LRATD2: variants seen among roughly 807,000 people sequenced by gnomAD.
LRATD2 encodes the protein LRAT domain containing 2.
A neutral mutation model predicts 12.0 loss-of-function variants in LRATD2; 10 were observed. That is an observed-to-expected ratio of 0.83 (90% confidence interval 0.51 to 1.41). The LOEUF (loss-of-function observed/expected upper bound fraction) is 1.41, where lower values mean the gene tolerates loss of function less well. Among genes scored for constraint, LRATD2 ranks in the 40% most tolerant of loss-of-function variants. LRATD2 has a pLI of 0.00. For missense variants in LRATD2, 455 were observed against 446.1 expected, an observed-to-expected ratio of 1.02 and a Z score of -0.18; for synonymous variants, 220 against 205.8, an observed-to-expected ratio of 1.07 and a Z score of -0.59.
In LRATD2 at chr8:126,554,906, A is replaced by G. The variant is rs1165764909; in HGVS notation, c.*1551T>C. ...TGAGACAGCAATGGCAATAGGCAGC[A>G]GAGAAGCTATGCTGCAACTGAGGGC... On this transcript the variant is annotated 3_prime_UTR_variant, in exon 2 of 2. Coordinates refer to ENST00000304916, the MANE Select transcript of LRATD2 (RefSeq NM_174911.5). The G allele has an allele frequency of 6.6e-6, 1 of 152,152 alleles. No homozygotes were observed. Among genetic ancestry groups the G allele is most frequent in the Admixed American group, 6.5e-5 (1 of 15,272 alleles). The allele number at this position is 152,152 out of a possible 1,614,324, so 9.4% of individuals were successfully genotyped here. A position where few individuals can be genotyped will look rare whatever the true frequency, so the allele number is the denominator to read the frequency against.
chr8:126,554,949 T>A lies in LRATD2; in HGVS notation c.*1508A>T, dbSNP rs370661467. On this transcript the variant is annotated 3_prime_UTR_variant, in exon 2 of 2. Coordinates refer to ENST00000304916, the MANE Select transcript of LRATD2 (RefSeq NM_174911.5). Reference sequence around the variant, plus strand: ...CTGAGGGCACATATCATTGAAGATGTCACAGGAGTTTAAGAGACAGGCTGG... The same window carrying A: ...CTGAGGGCACATATCATTGAAGATGACACAGGAGTTTAAGAGACAGGCTGG... 9 of 152,094 alleles carry A rather than the reference T, an allele frequency of 5.9e-5. No individual in the cohort carries two copies. The highest frequency in any genetic ancestry group is 1.9e-4 in the African/African-American group (8 of 41,484). 9.4% of individuals were successfully genotyped at this position (152,094 alleles called of 1,614,324 possible). A position where few individuals can be genotyped will look rare whatever the true frequency, so the allele number is the denominator to read the frequency against.
At position 126,556,944 on chromosome 8, in the gene LRATD2, T is replaced by G; in HGVS notation, c.446A>C (p.Glu149Ala). ...GTCAGTCAGGAAGCTGTTAATCACC[T>G]CCAGCCGGTGCAGGTGCACCACCTG... ...NFQVVHLHRLEVINSFLTDAS... is the reference protein window; with the variant it reads ...NFQVVHLHRLAVINSFLTDAS... Residue 149 changes from glutamate (E) to alanine (A), a missense_variant, in exon 2 of 2, where the codon GAG becomes GCG. Transcript: ENST00000304916. The surrounding 1 kb of genome is among the most constrained non-coding windows in gnomAD (Gnocchi z 5.6). The G allele has an allele frequency of 6.2e-7, 1 of 1,610,130 alleles. No individual in the cohort carries two copies. The highest frequency in any genetic ancestry group is 8.5e-7 in the Non-Finnish European group (1 of 1,179,966).
chr8:126,557,647 G>T lies in LRATD2; in HGVS notation c.-96-162C>A. On this transcript the variant is annotated intron_variant, in intron 1 of 1. Transcript: ENST00000304916. This position sits in a 1 kb window ranked among gnomAD's most constrained non-coding sequence, Gnocchi z 5.3. Reference sequence around the variant, plus strand: ...TCGTTTCTCCACCTGTAAGGTCACGGTCACAGGAGACTGGGCAACTCCTGT... The same window carrying T: ...TCGTTTCTCCACCTGTAAGGTCACGTTCACAGGAGACTGGGCAACTCCTGT... The T allele has an allele frequency of 1.9e-6, 1 of 534,012 alleles. No homozygotes were observed. Among genetic ancestry groups the T allele is most frequent in the South Asian group, 2.3e-5 (1 of 42,988 alleles). 33.1% of individuals were successfully genotyped at this position (534,012 alleles called of 1,614,324 possible).
Position 126,557,154 on chromosome 8 carries a change from T to C in LRATD2, c.236A>G (p.His79Arg), listed in dbSNP as rs1817428737. 3 of 1,612,182 alleles carry C rather than the reference T, an allele frequency of 1.9e-6. No individual in the cohort carries two copies. Among genetic ancestry groups the C allele is most frequent in the Non-Finnish European group, 8.5e-7 (1 of 1,179,690 alleles). Residue 79 changes from histidine (H) to arginine (R), a missense_variant, in exon 2 of 2, where the codon CAC (histidine) becomes CGC (arginine). By Grantham distance (29) the His-to-Arg change is conservative. Coordinates refer to ENST00000304916, the MANE Select transcript of LRATD2 (RefSeq NM_174911.5). This position sits in a 1 kb window ranked among gnomAD's most constrained non-coding sequence, Gnocchi z 5.3. ...GTAGAACACGGAGCATTCCACCTCGTGCAGCCGCGGATCGTAGGGCTGCGG... is the reference window on the plus strand; with the variant it reads ...GTAGAACACGGAGCATTCCACCTCGCGCAGCCGCGGATCGTAGGGCTGCGG... The part of the protein sequence containing the change: ...PQPQPYDPRL[H>R]EVECSVFYRD...
Position 126,557,515 on chromosome 8 carries a change from G to T in LRATD2, c.-96-30C>A. On this transcript the variant is annotated intron_variant, in intron 1 of 1. Transcript: ENST00000304916. The surrounding 1 kb of genome is among the most constrained non-coding windows in gnomAD (Gnocchi z 5.3). ...TGGGAGAGGAAGGCAAGAAAGCCATGCAGGAGCCCCTCCGTGAAAAGGGCG... is the reference window on the plus strand; with the variant it reads ...TGGGAGAGGAAGGCAAGAAAGCCATTCAGGAGCCCCTCCGTGAAAAGGGCG... 2 of 1,046,172 alleles carry T rather than the reference G, an allele frequency of 1.9e-6. No homozygotes were observed. The highest frequency in any genetic ancestry group is 1.6e-5 in the South Asian group (1 of 63,868). The allele number at this position is 1,046,172 out of a possible 1,614,324, so 64.8% of individuals were successfully genotyped here.
rs1399258438 is a variant in LRATD2 at position 126,553,850 on chromosome 8, GAAGA to G, written c.*2603_*2606del. On this transcript the variant is annotated 3_prime_UTR_variant, in exon 2 of 2. Transcript: ENST00000304916. ...CCTGTTATTGAAAACCTCTTCTCTA[GAAGA>G]GAGAGTCACTGCTCTCTCTTAACAC... The G allele has an allele frequency of 1.3e-5, 2 of 152,182 alleles. No homozygotes were observed. Among genetic ancestry groups the G allele is most frequent in the Non-Finnish European group, 2.9e-5 (2 of 68,048 alleles). The allele number at this position is 152,182 out of a possible 1,614,324, so 9.4% of individuals were successfully genotyped here.
Position 126,555,161 on chromosome 8 carries a change from C to G in LRATD2, c.*1296G>C, listed in dbSNP as rs1388753482. On this transcript the variant is annotated 3_prime_UTR_variant, in exon 2 of 2. Coordinates refer to ENST00000304916, the MANE Select transcript of LRATD2 (RefSeq NM_174911.5). ...CGCCCCTCTTATTTAACAAAGGGCTCTGAAGGAGGTGTTCTCCAAGCAACA... is the reference window on the plus strand; with the variant it reads ...CGCCCCTCTTATTTAACAAAGGGCTGTGAAGGAGGTGTTCTCCAAGCAACA... The G allele has an allele frequency of 6.6e-6, 1 of 152,158 alleles. No homozygotes were observed. Among genetic ancestry groups the G allele is most frequent in the Non-Finnish European group, 1.5e-5 (1 of 68,028 alleles). 9.4% of individuals were successfully genotyped at this position (152,158 alleles called of 1,614,324 possible).
Position 126,556,459 on chromosome 8 carries a change from A to G in LRATD2, c.931T>C (p.Ter311ArgextTer4), listed in dbSNP as rs778008176. ...EEEDGEAVAH[*>R] ...CAGCTCTGCGCTCAGCTCGCCCATCAGTGTGCCACTGCCTCTCCGTCCTCC... is the reference window on the plus strand; with the variant it reads ...CAGCTCTGCGCTCAGCTCGCCCATCGGTGTGCCACTGCCTCTCCGTCCTCC... Residue 311 changes from the stop codon to arginine, a stop_lost, in exon 2 of 2, where the codon TGA (stop) becomes CGA (arginine). Transcript: ENST00000304916. This position sits in a 1 kb window ranked among gnomAD's most constrained non-coding sequence, Gnocchi z 5.6. 1.9e-6 allele frequency: 3 copies of G among 1,565,700 alleles called. No homozygotes were observed. The highest frequency in any genetic ancestry group is 1.4e-5 in the African/African-American group (1 of 72,722).
rs1817314877 is a variant in LRATD2, at chr8:126,553,143, T to C, written c.*3314A>G. 6.6e-6 allele frequency: 1 copy of C among 152,276 alleles called. No individual in the cohort carries two copies. 9.4% of individuals were successfully genotyped at this position (152,276 alleles called of 1,614,324 possible). On this transcript the variant is annotated 3_prime_UTR_variant, in exon 2 of 2. Coordinates refer to ENST00000304916, the MANE Select transcript of LRATD2 (RefSeq NM_174911.5). ...AGACATGAGAAGTTTAACCATCGAC[T>C]TGTCATTTTTCATAAAAACTAAACA...
In LRATD2 at chr8:126,557,096, C is replaced by T. The variant is rs769039783; in HGVS notation, c.294G>A (p.Ala98=). Residue 98 remains alanine (A), a synonymous_variant, in exon 2 of 2, where the codon GCG becomes GCA. Transcript: ENST00000304916. This position sits in a 1 kb window ranked among gnomAD's most constrained non-coding sequence, Gnocchi z 5.3. Reference sequence around the variant, plus strand: ...AGGTACTCAGCGCCGCCGAGCCCGGCGCGAAGCTCTTCTGGTAGATGCATT... The same window carrying T: ...AGGTACTCAGCGCCGCCGAGCCCGGTGCGAAGCTCTTCTGGTAGATGCATT... The part of the protein sequence containing the change: ...RDECIYQKSF[A]PGSAALSTYT... The T allele has an allele frequency of 5.6e-6, 9 of 1,611,718 alleles. No individual in the cohort carries two copies. The East Asian group carries it at 1.8e-4, about 32-fold the overall frequency.
In LRATD2 at chr8:126,556,720, C is replaced by G. The variant is rs765880427; in HGVS notation, c.670G>C (p.Gly224Arg). ...ATCTGCAGCCGGTAGGGCTGCTTGC[C>G]GATGCGCAGCTCGCCGCCGATCTTG... The part of the protein sequence containing the change: ...EFKIGGELRI[G>R]KQPYRLQIQL... The change falls in exon 2 of 2, where the codon GGC (glycine) becomes CGC (arginine). Residue 224 changes from glycine (G) to arginine (R), a missense_variant. By Grantham distance (125) the Gly-to-Arg change is moderately radical (BLOSUM62 -2). Coordinates refer to ENST00000304916, the MANE Select transcript of LRATD2 (RefSeq NM_174911.5). The surrounding 1 kb of genome is among the most constrained non-coding windows in gnomAD (Gnocchi z 5.6). 1.9e-6 allele frequency: 3 copies of G among 1,606,126 alleles called. No individual in the cohort carries two copies. The highest frequency in any genetic ancestry group is 2.2e-5 in the East Asian group (1 of 44,604).
rs2130493065 is a variant in LRATD2 at position 126,557,750 on chromosome 8, C to A, written c.-96-265G>T. 1.2e-5 allele frequency: 3 copies of A among 240,698 alleles called. No individual in the cohort carries two copies. Among genetic ancestry groups the A allele is most frequent in the South Asian group, 1.7e-4 (2 of 11,488 alleles). The allele number at this position is 240,698 out of a possible 1,614,324, so 14.9% of individuals were successfully genotyped here. ...CAGCTTCTACTGCTTCCGCCTGCGC[C>A]CTACCTGCCAAGCTTGGGCAGGAAG... On this transcript the variant is annotated intron_variant, in intron 1 of 1. Coordinates refer to ENST00000304916, the MANE Select transcript of LRATD2 (RefSeq NM_174911.5). This position sits in a 1 kb window ranked among gnomAD's most constrained non-coding sequence, Gnocchi z 5.3.
chr8:126,556,794 C>A lies in LRATD2; in HGVS notation c.596G>T (p.Arg199Leu). Residue 199 changes from arginine (R) to leucine (L), a missense_variant, in exon 2 of 2, where the codon CGC becomes CTC. Arg to Leu is a moderately radical substitution (Grantham distance 102). Coordinates refer to ENST00000304916, the MANE Select transcript of LRATD2 (RefSeq NM_174911.5). The surrounding 1 kb of genome is among the most constrained non-coding windows in gnomAD (Gnocchi z 5.6). ...VGAKERELSW[R>L]NSESFAAWCR... Reference sequence around the variant, plus strand: ...CCAGGCGGCGAAACTCTCCGAGTTGCGCCAGCTCAGCTCGCGCTCCTTGGC... The same window carrying A: ...CCAGGCGGCGAAACTCTCCGAGTTGAGCCAGCTCAGCTCGCGCTCCTTGGC... 1.3e-6 allele frequency: 2 copies of A among 1,598,402 alleles called. No homozygotes were observed. Among genetic ancestry groups the A allele is most frequent in the Non-Finnish European group, 1.7e-6 (2 of 1,175,296 alleles).
In LRATD2 at chr8:126,555,534, T is replaced by C. The variant is rs1194460150; in HGVS notation, c.*923A>G. 1 of 152,646 alleles carries C rather than the reference T, an allele frequency of 6.6e-6. No homozygotes were observed. Among genetic ancestry groups the C allele is most frequent in the African/African-American group, 2.4e-5 (1 of 41,458 alleles). 9.5% of individuals were successfully genotyped at this position (152,646 alleles called of 1,614,324 possible). A position where few individuals can be genotyped will look rare whatever the true frequency, so the allele number is the denominator to read the frequency against. On this transcript the variant is annotated 3_prime_UTR_variant, in exon 2 of 2. Transcript: ENST00000304916. ...CCCTATCTGTGACCTGCCCTGCGGA[T>C]AAACACAGCCAAGCAGGTTTAATTA...
rs1817349428 is a variant in LRATD2, at chr8:126,554,731, G to C, written c.*1726C>G. ...TTAACTTAGAGATCTCCAGGCAACA[G>C]GCCTGACGATAGCCATGGCTGTACC... On this transcript the variant is annotated 3_prime_UTR_variant, in exon 2 of 2. Coordinates refer to ENST00000304916, the MANE Select transcript of LRATD2 (RefSeq NM_174911.5). 1 of 152,148 alleles carries C rather than the reference G, an allele frequency of 6.6e-6. No individual in the cohort carries two copies. Among genetic ancestry groups the C allele is most frequent in the South Asian group, 2.1e-4 (1 of 4,832 alleles). The allele number at this position is 152,148 out of a possible 1,614,324, so 9.4% of individuals were successfully genotyped here.
Position 126,556,281 on chromosome 8 carries a change from C to T in LRATD2, c.*176G>A. ...GTTTCCTACCTGCTCCCTCTGTCCC[C>T]TTCCTCCTCCCCCGTCCACAGCCGG... On this transcript the variant is annotated 3_prime_UTR_variant, in exon 2 of 2. Transcript: ENST00000304916. This position sits in a 1 kb window ranked among gnomAD's most constrained non-coding sequence, Gnocchi z 5.6. 2.7e-6 allele frequency: 2 copies of T among 732,472 alleles called. No individual in the cohort carries two copies. The highest frequency in any genetic ancestry group is 4.5e-5 in the South Asian group (2 of 44,484). 45.4% of individuals were successfully genotyped at this position (732,472 alleles called of 1,614,324 possible). A position where few individuals can be genotyped will look rare whatever the true frequency, so the allele number is the denominator to read the frequency against.
rs190899205 is a variant in LRATD2 at position 126,557,595 on chromosome 8, G to A, written c.-96-110C>T. 3.2e-5 allele frequency: 19 copies of A among 596,822 alleles called. 1 individual carries two copies. The highest frequency in any genetic ancestry group is 1.9e-4 in the African/African-American group (10 of 53,086). 37.0% of individuals were successfully genotyped at this position (596,822 alleles called of 1,614,324 possible). A position where few individuals can be genotyped will look rare whatever the true frequency, so the allele number is the denominator to read the frequency against. ...TCAGCACCTGGAGCCATTTTAGGGG[G>A]AAGTCTCGGGTGTAGCGAGCTTTCC... On this transcript the variant is annotated intron_variant, in intron 1 of 1. Coordinates refer to ENST00000304916, the MANE Select transcript of LRATD2 (RefSeq NM_174911.5). This position sits in a 1 kb window ranked among gnomAD's most constrained non-coding sequence, Gnocchi z 5.3.
In LRATD2 at chr8:126,558,221, C is replaced by A. The variant is rs1817472540; in HGVS notation, c.-284G>T. ...GTCTTTCCCCCGCGGCTGCGTAGCGCCCCGATACTTGAAGGCGGGGGGCAA... is the reference window on the plus strand; with the variant it reads ...GTCTTTCCCCCGCGGCTGCGTAGCGACCCGATACTTGAAGGCGGGGGGCAA... On this transcript the variant is annotated 5_prime_UTR_variant, in exon 1 of 2. Transcript: ENST00000304916. 6.6e-6 allele frequency: 1 copy of A among 152,218 alleles called. No individual in the cohort carries two copies. The highest frequency in any genetic ancestry group is 6.5e-5 in the Admixed American group (1 of 15,288). 9.4% of individuals were successfully genotyped at this position (152,218 alleles called of 1,614,324 possible).
chr8:126,556,720 C>A lies in LRATD2; in HGVS notation c.670G>T (p.Gly224Cys). The A allele has an allele frequency of 1.2e-6, 2 of 1,606,126 alleles. No homozygotes were observed. The highest frequency in any genetic ancestry group is 1.3e-5 in the African/African-American group (1 of 74,944). Residue 224 changes from glycine (G) to cysteine (C), a missense_variant, in exon 2 of 2, where the codon GGC becomes TGC. By Grantham distance (159) the Gly-to-Cys change is radical. Coordinates refer to ENST00000304916, the MANE Select transcript of LRATD2 (RefSeq NM_174911.5). This position sits in a 1 kb window ranked among gnomAD's most constrained non-coding sequence, Gnocchi z 5.6. ...EFKIGGELRI[G>C]KQPYRLQIQL... The stretch of plus-strand genomic sequence containing the variant: ...ATCTGCAGCCGGTAGGGCTGCTTGC[C>A]GATGCGCAGCTCGCCGCCGATCTTG...
Sources: allele counts gnomAD v4.1 joint callset, GRCh38; gene constraint gnomAD v4.1.1; non-coding constraint Gnocchi (gnomAD v3.1); transcripts MANE v1.5; gene names NCBI Gene and HGNC (gene_info 2026-07-23, HGNC 2026-07-21).